SLC24A3: variants seen among roughly 807,000 people sequenced by gnomAD.
SLC24A3 encodes sodium/potassium/calcium exchanger 3.
SLC24A3 carries 28 observed loss-of-function variants against 75.8 expected under a neutral mutation model. The ratio of observed to expected loss-of-function variants is 0.37; its 90% CI spans 0.27 to 0.51. SLC24A3 has a LOEUF of 0.51. SLC24A3 is among the 20% of genes least tolerant of loss of function. The pLI is 0.94. For synonymous variants in SLC24A3, 372 were observed against 334.1 expected, an observed-to-expected ratio of 1.11 and a Z score of -1.24; for missense variants, 663 against 847.8, an observed-to-expected ratio of 0.78 and a Z score of 2.71.
At chr20:19,305,564 T>A (rs1984304629) in intron 2 of SLC24A3, among the ~76,000 whole-genome samples, 1 of 151,916 alleles carries the variant, frequency 6.6e-6, no homozygotes, top group Non-Finnish European at 1.5e-5. Context: ...AATGATCTCA[T>A]GACACATAGA....
At chr20:19,372,794 G>A (rs961775140) in intron 2 of SLC24A3, among the ~76,000 whole-genome samples, 1 of 151,960 alleles carries the variant, frequency 6.6e-6, no homozygotes, top group Non-Finnish European at 1.5e-5. Flanking sequence ...TTCCCTCCCC[G>A]AGCTCAGCAC....
At chr20:19,295,618 G>A (rs533111562) in intron 2 of SLC24A3, among the ~76,000 whole-genome samples, 1 of 152,286 alleles carries the variant, frequency 6.6e-6, no homozygotes, top group Non-Finnish European at 1.5e-5. Context: ...TAATCATGTG[G>A]TTTCTGATTT....
chr20:19,581,467 A>T (rs1362379817), intron 4 of SLC24A3, among the ~76,000 whole-genome samples: 2 of 152,186 alleles, frequency 1.3e-5, no homozygotes, highest in Non-Finnish European at 2.9e-5. Context: ...ATGCCCTTGT[A>T]GGGAGAGGCA....
At chr20:19,441,391 G>T (rs1987297438) in intron 2 of SLC24A3, among the ~76,000 whole-genome samples, 1 of 152,174 alleles carries the variant, frequency 6.6e-6, no homozygotes, top group Non-Finnish European at 1.5e-5. Flanking sequence ...AGGAAGTGTG[G>T]TTAGGACTGC....
chr20:19,720,696 A>G (rs2033095700), intron 16 of SLC24A3, among the ~76,000 whole-genome samples: 1 of 152,080 alleles, frequency 6.6e-6, no homozygotes, highest in South Asian at 2.1e-4. Context: ...AGGGGTGTGG[A>G]GTTGGAGCTT....
At chr20:19,428,854 G>A (rs1987055811) in intron 2 of SLC24A3, among the ~76,000 whole-genome samples, 1 of 152,202 alleles carries the variant, frequency 6.6e-6, no homozygotes, top group African/African-American at 2.4e-5. Context: ...AAGTAATGCA[G>A]TCTACAAACA....
intron 2 of SLC24A3, among the ~76,000 whole-genome samples, chr20:19,456,782 G>C (rs1166784195): frequency 6.6e-6 from 1 of 152,166 alleles, no homozygotes; most frequent in Non-Finnish European, 1.5e-5. Context: ...AGTGATTGTG[G>C]GTGGTGACTT....
At chr20:19,597,478 T>C (rs2031466286) in intron 6 of SLC24A3, among the ~76,000 whole-genome samples, 1 of 152,192 alleles carries the variant, frequency 6.6e-6, no homozygotes, top group Admixed American at 6.5e-5. Flanking sequence ...TAGGTACATG[T>C]GATATTTTAT....
At chr20:19,669,115 C>T (rs1009505223) in intron 8 of SLC24A3, among the ~76,000 whole-genome samples, 5 of 152,128 alleles carry the variant, frequency 3.3e-5, no homozygotes, top group African/African-American at 1.2e-4. Flanking sequence ...GCTGCCTCAA[C>T]CTAGTGGGTG....
intron 6 of SLC24A3, among the ~76,000 whole-genome samples, chr20:19,601,221 T>C (rs1054666536): frequency 2.6e-5 from 4 of 152,204 alleles, no homozygotes; most frequent in African/African-American, 4.8e-5. Flanking sequence ...GGCTTGGGCT[T>C]TCTGCCCAGC....
At chr20:19,385,398 TC>T (rs1396023010) in intron 2 of SLC24A3, among the ~76,000 whole-genome samples, 1 of 152,216 alleles carries the variant, frequency 6.6e-6, no homozygotes, top group Non-Finnish European at 1.5e-5. Context: ...AAGAGACTGT[TC>T]TTTCCCCGTT....
intron 2 of SLC24A3, among the ~76,000 whole-genome samples, chr20:19,429,184 A>G (rs1987061305): frequency 6.6e-6 from 1 of 152,236 alleles, no homozygotes; most frequent in African/African-American, 2.4e-5. Context: ...CAACTCAACT[A>G]TCCTCACTGT....
chr20:19,651,589 G>C (rs981187912), intron 6 of SLC24A3, among the ~76,000 whole-genome samples: 1 of 151,950 alleles, frequency 6.6e-6, no homozygotes, highest in Non-Finnish European at 1.5e-5. Flanking sequence ...GCCAGGCGCC[G>C]TGGCTCACGC....
intron 2 of SLC24A3, among the ~76,000 whole-genome samples, chr20:19,401,836 C>T (rs1358108570): frequency 6.6e-6 from 1 of 152,238 alleles, no homozygotes; most frequent in African/African-American, 2.4e-5. Flanking sequence ...CTCAGGAGCA[C>T]ATGCTTTACA....
chr20:19,489,849 T>C (rs1204318801), intron 2 of SLC24A3, among the ~76,000 whole-genome samples: 1 of 152,212 alleles, frequency 6.6e-6, no homozygotes, highest in African/African-American at 2.4e-5. Flanking sequence ...CTATGGTGGG[T>C]GCCTCTCCCT....
At chr20:19,614,387 C>T (rs2031709232) in intron 6 of SLC24A3, among the ~76,000 whole-genome samples, 1 of 152,230 alleles carries the variant, frequency 6.6e-6, no homozygotes, top group African/African-American at 2.4e-5. Context: ...TGCTCTTGGA[C>T]ATGCAATATC....
At chr20:19,216,028 T>C (rs561852973) in intron 1 of SLC24A3, among the ~76,000 whole-genome samples, 4 of 152,326 alleles carry the variant, frequency 2.6e-5, no homozygotes, top group African/African-American at 9.6e-5. Flanking sequence ...ATTCCCACCT[T>C]ATAGGTATTG....
At chr20:19,350,556 G>A (rs1424479439) in intron 2 of SLC24A3, among the ~76,000 whole-genome samples, 3 of 152,100 alleles carry the variant, frequency 2.0e-5, no homozygotes, top group Admixed American at 6.5e-5. Flanking sequence ...TTGCCACTAC[G>A]CCTGCCAGAC....
rs143233735 is a variant in SLC24A3 at position 19,580,114 on chromosome 20, G to A, written c.423+40G>A. 1.7e-4 allele frequency: 262 copies of A among 1,565,244 alleles called. No individual in the cohort carries two copies. The African/African-American group carries it at 3.2e-3, about 19-fold the overall frequency. ...TTCTTGGTATGTGTGAGCCAGACTG[G>A]GGACTGGACCTGTGCCCTGTACTGT... On this transcript the variant is annotated intron_variant, in intron 4 of 16. Transcript: ENST00000328041.
Sources: allele counts gnomAD v4.1 joint callset (sites outside exome capture counted in the v4.1 genomes callset), GRCh38; gene constraint gnomAD v4.1.1; transcripts MANE v1.5; gene names NCBI Gene and HGNC (gene_info 2026-07-23, HGNC 2026-07-21).